The following MXRA5 variants were observed in gnomAD, a reference collection of about 807,000 sequenced individuals.
MXRA5 encodes the protein matrix-remodeling-associated protein 5.
Under a neutral mutation model 112.5 loss-of-function variants are expected in MXRA5, and 41 were observed. The ratio of observed to expected loss-of-function variants is 0.36; its 90% CI spans 0.28 to 0.47. MXRA5 has a LOEUF of 0.47. Among genes scored for constraint, MXRA5 ranks in the 20% least tolerant of loss-of-function variants. The pLI is 0.99. For missense variants in MXRA5, 2,150 were observed against 2,251.0 expected, an observed-to-expected ratio of 0.96 and a Z score of 0.91; for synonymous variants, 862 against 900.8, an observed-to-expected ratio of 0.96 and a Z score of 0.77.
In MXRA5 at chrX:3,324,978, A is replaced by T. The variant is rs1921422870; in HGVS notation, c.710-3T>A. 1 of 1,162,573 alleles carries T rather than the reference A, an allele frequency of 8.6e-7. No homozygotes were observed. The highest frequency in any genetic ancestry group is 1.8e-5 in the African/African-American group (1 of 56,090). Reference sequence around the variant, plus strand: ...GTCCTTTTTACACTTCAGAATTCCTAAAACAAATAAGCAAATAGACAATAG... The same window carrying T: ...GTCCTTTTTACACTTCAGAATTCCTTAAACAAATAAGCAAATAGACAATAG... On this transcript the variant is annotated splice_polypyrimidine_tract_variant and splice_region_variant and intron_variant, in intron 4 of 6. Transcript: ENST00000217939.
At chrX:3,344,290 A>G (rs968292637) in intron 1 of MXRA5, among the ~76,000 whole-genome samples, 6 of 112,225 alleles carry the variant, frequency 5.3e-5, no homozygotes, top group Middle Eastern at 4.6e-3. Flanking sequence ...ATTTGAATTT[A>G]AAACTTCCCA....
Position 3,320,322 on chromosome X carries a change from G to A in MXRA5, c.5363C>T (p.Pro1788Leu). 1 of 1,211,865 alleles carries A rather than the reference G, an allele frequency of 8.3e-7. No homozygotes were observed. Among genetic ancestry groups the A allele is most frequent in the Non-Finnish European group, 1.1e-6 (1 of 895,482 alleles). ...FHLDFGPPAP[P>L]LLHTPQTTGS... The stretch of plus-strand genomic sequence containing the variant: ...CGTGGTCTGCGGAGTGTGCAACAAC[G>A]GAGGTGCCGGAGGGCCAAAGTCCAG... The change falls in exon 5 of 7, where the codon CCG becomes CTG. Residue 1788 changes from proline to leucine, a missense_variant. This residue lies in a region of MXRA5 where 1,485 missense variants were observed against 1,471.6 expected (regional missense o/e 1.01). Transcript: ENST00000217939.
rs1272526835 is a variant in MXRA5 at position 3,309,518 on chromosome X, G to C, written c.*198C>G. ...AACACAAAAGAAAGTGTCTCAGCAA[G>C]GCTGAGCCCTCCTTCTCGTGTCTGC... On this transcript the variant is annotated 3_prime_UTR_variant, in exon 7 of 7. Coordinates refer to ENST00000217939, the MANE Select transcript of MXRA5 (RefSeq NM_015419.4). 2 of 432,427 alleles carry C rather than the reference G, an allele frequency of 4.6e-6. No individual in the cohort carries two copies. Among genetic ancestry groups the C allele is most frequent in the Admixed American group, 8.5e-5 (2 of 23,639 alleles). The allele number at this position is 432,427 out of a possible 1,213,427, so 35.6% of individuals were successfully genotyped here. A position where few individuals can be genotyped will look rare whatever the true frequency, so the allele number is the denominator to read the frequency against.
At chrX:3,314,599 G>A (rs1414822155) in intron 6 of MXRA5, among the ~76,000 whole-genome samples, 2 of 111,505 alleles carry the variant, frequency 1.8e-5, no homozygotes, top group Non-Finnish European at 3.8e-5. Context: ...GACATGGATG[G>A]ATGGATAAGC....
Position 3,320,012 on chromosome X carries a change from G to A in MXRA5, c.5673C>T (p.Ser1891=). 1 of 1,187,319 alleles carries A rather than the reference G, an allele frequency of 8.4e-7. No homozygotes were observed. Among genetic ancestry groups the A allele is most frequent in the Non-Finnish European group, 1.1e-6 (1 of 882,410 alleles). Residue 1891 remains serine (S), a synonymous_variant, in exon 5 of 7, where the codon TCC becomes TCT. Coordinates refer to ENST00000217939, the MANE Select transcript of MXRA5 (RefSeq NM_015419.4). The stretch of plus-strand genomic sequence containing the variant: ...GTAGATGCTTAAACATCTTACCTGT[G>A]GAAACCTTTGTCCAAGTAACGAAAG... The part of the protein sequence containing the change: ...PKPFVTWTKV[S]TGALMTPNTR...
chrX:3,340,148 C>T (rs144712754), intron 2 of MXRA5, among the ~76,000 whole-genome samples: 79 of 111,012 alleles, frequency 7.1e-4, no homozygotes, highest in African/African-American at 2.4e-3. Flanking sequence ...TTTTCAGAAA[C>T]GCTTTTAGTT....
At position 3,311,357 on chromosome X, in the gene MXRA5, C is replaced by G; in HGVS notation, c.6846G>C (p.Gly2282=). 1 of 1,211,936 alleles carries G rather than the reference C, an allele frequency of 8.3e-7. No homozygotes were observed. The highest frequency in any genetic ancestry group is 2.3e-4 in the Middle Eastern group (1 of 4,348). ...NPEISWSLPD[G]SLVNSFMQSD... is the part of the protein sequence containing the mutation. ...ACTGCATGAAGGAGTTCACCAGACT[C>G]CCGTCTGGGAGGCTCCAGGAGATCT... The change falls in exon 7 of 7, where the codon GGG becomes GGC. Residue 2282 remains glycine (G), a synonymous_variant. Transcript: ENST00000217939.
chrX:3,320,043 G>C lies in MXRA5; in HGVS notation c.5642C>G (p.Pro1881Arg). The C allele has an allele frequency of 8.3e-7, 1 of 1,207,621 alleles. No individual in the cohort carries two copies. Among genetic ancestry groups the C allele is most frequent in the East Asian group, 3.0e-5 (1 of 33,798 alleles). ...CTTTGTCCAAGTAACGAAAGGCTTT[G>C]GTTTTCCTGTTGCCTCACAGGGGAA... ...TVFPCEATGK[P>R]KPFVTWTKVS... Residue 1881 changes from proline to arginine, a missense_variant, in exon 5 of 7, where the codon CCA (proline) becomes CGA (arginine). This residue lies in a region of MXRA5 where 1,485 missense variants were observed against 1,471.6 expected (regional missense o/e 1.01). Coordinates refer to ENST00000217939, the MANE Select transcript of MXRA5 (RefSeq NM_015419.4).
Position 3,330,084 on chromosome X carries a change from G to C in MXRA5, c.643C>G (p.Gln215Glu), listed in dbSNP as rs774917766. ...CAATCGCAGGTCCACGGATTTCCCT[G>C]CAAGTAAAGATTCTCCAGAAGCGGC... is the stretch of plus-strand genomic sequence containing the variant. Reference protein sequence around the residue: ...NMPLLENLYLQGNPWTCDCEM... With the variant: ...NMPLLENLYLEGNPWTCDCEM... Residue 215 changes from glutamine (Q) to glutamate (E), a missense_variant, in exon 4 of 7, where the codon CAG (glutamine) becomes GAG (glutamate). Physicochemically the swap from Gln to Glu is conservative, Grantham distance 29. Around this residue, in one of 6 missense-constraint regions of MXRA5, gnomAD observed 386 missense variants for 411.0 expected, o/e 0.94. Transcript: ENST00000217939. The C allele has an allele frequency of 2.1e-5, 25 of 1,208,985 alleles. No homozygotes were observed. The highest frequency in any genetic ancestry group is 2.7e-5 in the Non-Finnish European group (24 of 894,876).
intron 2 of MXRA5, among the ~76,000 whole-genome samples, chrX:3,332,961 T>C (rs1434219825): frequency 9.0e-6 from 1 of 110,909 alleles, no homozygotes; most frequent in Non-Finnish European, 1.9e-5. Context: ...CTTTATCACC[T>C]AAACCCCATG....
rs1921632232 is a variant in MXRA5, at chrX:3,330,241, G to A, written c.486C>T (p.Leu162=). 8.3e-7 allele frequency: 1 copy of A among 1,211,263 alleles called. No individual in the cohort carries two copies. The highest frequency in any genetic ancestry group is 1.1e-6 in the Non-Finnish European group (1 of 895,383). Residue 162 remains leucine (L), a synonymous_variant, in exon 4 of 7, where the codon CTC becomes CTT. Transcript: ENST00000217939. ...SLRLLHLEGN[L]LHQLHPSTFS... is the part of the protein sequence containing the mutation. ...AGGTGCTGGGGTGCAGCTGGTGGAG[G>A]AGATTTCCTTCCAAATGGAGTAGCC...
chrX:3,308,688 G>A lies in MXRA5; in HGVS notation c.*1028C>T, dbSNP rs911560474. 4.5e-5 allele frequency: 5 copies of A among 111,934 alleles called. No individual in the cohort carries two copies. Among genetic ancestry groups the A allele is most frequent in the Non-Finnish European group, 9.4e-5 (5 of 53,256 alleles). 9.2% of individuals were successfully genotyped at this position (111,934 alleles called of 1,213,427 possible). ...GGGCACAAACTGACTCATGGCTGGG[G>A]AAGAAGCAGCCACCTTAGACCAGAT... On this transcript the variant is annotated 3_prime_UTR_variant, in exon 7 of 7. Coordinates refer to ENST00000217939, the MANE Select transcript of MXRA5 (RefSeq NM_015419.4).
At position 3,324,359 on chromosome X, in the gene MXRA5, G is replaced by A; in HGVS notation, c.1326C>T (p.Asn442=). ...VMQPSIDIQL[N]RRQSTAKKVL... is the part of the protein sequence containing the mutation. ...CCTTCTTGGCCGTACTCTGACGTCG[G>A]TTCAGCTGGATATCTATGGATGGCT... Residue 442 remains asparagine (N), a synonymous_variant, in exon 5 of 7, where the codon AAC becomes AAT. Transcript: ENST00000217939. The A allele has an allele frequency of 8.3e-7, 1 of 1,211,479 alleles. No individual in the cohort carries two copies. Among genetic ancestry groups the A allele is most frequent in the Non-Finnish European group, 1.1e-6 (1 of 895,475 alleles).
intron 6 of MXRA5, 45 bp downstream of exon 6, chrX:3,317,058 G>A: frequency 2.8e-6 from 3 of 1,087,978 alleles, no homozygotes; most frequent in Non-Finnish European, 3.6e-6. Flanking sequence ...ATTCGTTGGG[G>A]CCACCAGCCC....
At chrX:3,332,345 C>G (rs1011543694) in intron 2 of MXRA5, among the ~76,000 whole-genome samples, 11 of 110,942 alleles carry the variant, frequency 9.9e-5, no homozygotes, top group African/African-American at 3.3e-4. Context: ...CCCAGGTTCA[C>G]GCCATTCTCC....
chrX:3,316,825 C>T (rs1339980504), intron 6 of MXRA5, among the ~76,000 whole-genome samples: 2 of 108,964 alleles, frequency 1.8e-5, no homozygotes, highest in South Asian at 4.2e-4. Flanking sequence ...TACAGACGCT[C>T]GCCACAATGC....
rs760316403 is a variant in MXRA5 at position 3,310,204 on chromosome X, C to G, written c.7999G>C (p.Gly2667Arg). 2.5e-6 allele frequency: 3 copies of G among 1,211,823 alleles called. No individual in the cohort carries two copies. Among genetic ancestry groups the G allele is most frequent in the South Asian group, 3.5e-5 (2 of 56,957 alleles). Residue 2667 changes from glycine to arginine, a missense_variant, in exon 7 of 7, where the codon GGA becomes CGA. Physicochemically the swap from Gly to Arg is moderately radical, Grantham distance 125. Transcript: ENST00000217939. The part of the protein sequence containing the change: ...LPCTPPGAGQ[G>R]RFSWTLPNGM... ...TTGGGGAGCGTCCAGGAGAAACGTC[C>G]CTGCCCAGCCCCGGGAGGGGTGCAG...
At position 3,314,881 on chromosome X, in the gene MXRA5, CAGATAGATAGATAGAT is replaced by C. The variant is rs77892728; in HGVS notation, c.6578+2206_6578+2221del. ...CAACTGCCATAGACAGGTAGGTAGG[CAGATAGATAGATAGAT>C]AGATAGATAGATAGATAGATAGATA... On this transcript the variant is annotated intron_variant, in intron 6 of 6. Coordinates refer to ENST00000217939, the MANE Select transcript of MXRA5 (RefSeq NM_015419.4). Among the ~76,000 whole-genome samples the C allele has an allele frequency of 3.5e-4, 36 of 102,647 alleles. No individual in the cohort carries two copies. In the East Asian group the frequency reaches 0.01, roughly 29 times the overall value. The allele number at this position is 102,647 out of a possible 115,157, so 89.1% of individuals were successfully genotyped here.
rs1920980164 is a variant in MXRA5, at chrX:3,310,830, C to T, written c.7373G>A (p.Gly2458Glu). The T allele has an allele frequency of 1.7e-6, 2 of 1,209,976 alleles. No individual in the cohort carries two copies. The highest frequency in any genetic ancestry group is 2.2e-6 in the Non-Finnish European group (2 of 894,905). The change falls in exon 7 of 7, where the codon GGG becomes GAG. Residue 2458 changes from glycine to glutamate, a missense_variant. This residue lies in a region of MXRA5 where 93 missense variants were observed against 135.5 expected (regional missense o/e 0.69). Transcript: ENST00000217939. ...PITTVREIAA[G>E]GSRKLIDCKA... ...GCAGTCAATCAGTTTCCGACTGCCC[C>T]CGGCTGCTATCTCCCGCACAGTGGT... is the stretch of plus-strand genomic sequence containing the variant.
Sources: allele counts gnomAD v4.1 joint callset (sites outside exome capture counted in the v4.1 genomes callset), GRCh38; gene constraint gnomAD v4.1.1; regional missense constraint gnomAD v4.1.1; transcripts MANE v1.5; gene names NCBI Gene and HGNC (gene_info 2026-07-23, HGNC 2026-07-21).